SH3RF1: variants seen among roughly 807,000 people sequenced by gnomAD.
The protein encoded by SH3RF1 is E3 ubiquitin-protein ligase SH3RF1.
Under a neutral mutation model 74.0 loss-of-function variants are expected in SH3RF1, and 32 were observed. That is an observed-to-expected ratio of 0.43 (90% CI 0.33 to 0.58). The LOEUF (loss-of-function observed/expected upper bound fraction) is 0.58, where lower values mean the gene tolerates loss of function less well. Among genes scored for constraint, SH3RF1 ranks in the 20% least tolerant of loss-of-function variants. The pLI is 0.05. For synonymous variants in SH3RF1, 396 were observed against 439.6 expected (o/e 0.90, Z 1.24); for missense variants, 954 against 1,130.9 (o/e 0.84, Z 2.24).
At chr4:169,203,700 T>C (rs1420209823) in intron 2 of SH3RF1, among the ~76,000 whole-genome samples, 1 of 152,230 alleles carries the variant, frequency 6.6e-6, no homozygotes, top group East Asian at 1.9e-4. Flanking sequence ...GATACACTTA[T>C]ACCTAGAACA....
At chr4:169,153,765 G>C (rs1174416847) in intron 4 of SH3RF1, among the ~76,000 whole-genome samples, 1 of 152,190 alleles carries the variant, frequency 6.6e-6, no homozygotes, top group African/African-American at 2.4e-5. Context: ...CAAATGGCAA[G>C]ATTCTGGTTC....
chr4:169,179,697 C>T (rs749637921), intron 2 of SH3RF1, among the ~76,000 whole-genome samples: 18 of 152,182 alleles, frequency 1.2e-4, no homozygotes, highest in African/African-American at 1.4e-4. Context: ...GACAACACTG[C>T]GCAAACTTTG....
chr4:169,167,055 G>A (rs1734256657), intron 2 of SH3RF1: 1 of 207,824 alleles, frequency 4.8e-6, no homozygotes, highest in Admixed American at 5.6e-5. Flanking sequence ...TCAGCTCCAG[G>A]GCTACCTATA....
Position 169,110,537 on chromosome 4 carries a change from G to A in SH3RF1, c.2140-3332C>T, listed in dbSNP as rs181188718. On this transcript the variant is annotated intron_variant, in intron 10 of 11. Coordinates refer to ENST00000284637, the MANE Select transcript of SH3RF1 (RefSeq NM_020870.4). ...CCCAGGTGCTTGGGAGGCTGAGGTG[G>A]AAGGATTGCTTGAGTCCAGGAGTTC... Among the ~76,000 whole-genome samples, 244 of 152,288 alleles carry A rather than the reference G, an allele frequency of 1.6e-3. 2 individuals are homozygous for A. Among genetic ancestry groups the A allele is most frequent in the Admixed American group, 4.2e-3 (65 of 15,304 alleles).
At chr4:169,268,775 A>G in intron 2 of SH3RF1, 45 bp downstream of exon 2, 1 of 1,512,778 alleles carries the variant, frequency 6.6e-7, no homozygotes, top group Non-Finnish European at 8.8e-7. Flanking sequence ...AAAAATGTGG[A>G]CATTACCACC....
At chr4:169,174,493 C>A (rs1318251145) in intron 2 of SH3RF1, among the ~76,000 whole-genome samples, 1 of 152,128 alleles carries the variant, frequency 6.6e-6, no homozygotes, top group African/African-American at 2.4e-5. Flanking sequence ...TCAGGTGATA[C>A]TGATGCTGCC....
At chr4:169,217,297 A>G in intron 2 of SH3RF1, 1 of 152,474 alleles carries the variant, frequency 6.6e-6, no homozygotes, top group Non-Finnish European at 1.5e-5. Context: ...CCAGAGGTAA[A>G]GGCAATTGTG....
chr4:169,221,553 G>A (rs1730564493), intron 2 of SH3RF1, among the ~76,000 whole-genome samples: 1 of 152,008 alleles, frequency 6.6e-6, no homozygotes, highest in South Asian at 2.1e-4. Context: ...CATTAACATT[G>A]GAAAAGAAAG....
At chr4:169,188,011 T>C (rs987045497) in intron 2 of SH3RF1, among the ~76,000 whole-genome samples, 25 of 152,212 alleles carry the variant, frequency 1.6e-4, no homozygotes, top group Non-Finnish European at 2.9e-4. Flanking sequence ...GACGAAATGA[T>C]GCAGGCACAA....
At chr4:169,233,672 C>T (rs1204862274) in intron 2 of SH3RF1, among the ~76,000 whole-genome samples, 1 of 152,194 alleles carries the variant, frequency 6.6e-6, no homozygotes, top group Non-Finnish European at 1.5e-5. Context: ...TATTTGACTG[C>T]AATAATTCAT....
intron 2 of SH3RF1, among the ~76,000 whole-genome samples, chr4:169,233,248 C>CTA (rs1730772113): frequency 1.5e-5 from 1 of 65,596 alleles, no homozygotes; most frequent in Non-Finnish European, 2.7e-5. Context: ...GACTCCATCT[C>CTA]AAAAAAAAAA....
chr4:169,116,679 T>A (rs368605207), intron 9 of SH3RF1, 49 bp from the exon 10 acceptor site: 5 of 1,499,108 alleles, frequency 3.3e-6, no homozygotes, highest in Non-Finnish European at 4.4e-6. Context: ...ATCTAATAGA[T>A]GCTGCTCACC....
chr4:169,221,993 C>T (rs1322803444), intron 2 of SH3RF1, among the ~76,000 whole-genome samples: 1 of 152,168 alleles, frequency 6.6e-6, no homozygotes, highest in Non-Finnish European at 1.5e-5. Flanking sequence ...AAAAACACTA[C>T]TAATAGTTTT....
intron 2 of SH3RF1, among the ~76,000 whole-genome samples, chr4:169,175,352 C>T (rs1018050032): frequency 6.6e-6 from 1 of 152,164 alleles, no homozygotes; most frequent in African/African-American, 2.4e-5. Context: ...GCTCCCAAGG[C>T]TTTCTATCAT....
At chr4:169,250,828 G>A (rs1446022440) in intron 2 of SH3RF1, among the ~76,000 whole-genome samples, 2 of 152,086 alleles carry the variant, frequency 1.3e-5, no homozygotes, top group African/African-American at 4.8e-5. Flanking sequence ...TGGATATGGT[G>A]GTCACAGAAG....
chr4:169,261,406 A>C (rs1404865162), intron 2 of SH3RF1, among the ~76,000 whole-genome samples: 1 of 152,240 alleles, frequency 6.6e-6, no homozygotes, highest in Admixed American at 6.5e-5. Flanking sequence ...TGCTAAAAGC[A>C]ACATGAGGTC....
At chr4:169,123,382 C>T (rs978486995) in intron 6 of SH3RF1, among the ~76,000 whole-genome samples, 4 of 152,194 alleles carry the variant, frequency 2.6e-5, no homozygotes, top group South Asian at 2.1e-4. Context: ...TGTAACTATT[C>T]GATGCATTAT....
intron 4 of SH3RF1, among the ~76,000 whole-genome samples, chr4:169,144,915 G>A (rs1733848308): frequency 6.6e-6 from 1 of 152,144 alleles, no homozygotes; most frequent in African/African-American, 2.4e-5. Context: ...GAAGAAAATA[G>A]TAGGGGTAAG....
chr4:169,110,633 C>G (rs558314976), intron 10 of SH3RF1, among the ~76,000 whole-genome samples: 2 of 152,040 alleles, frequency 1.3e-5, no homozygotes, highest in African/African-American at 4.8e-5. Context: ...AATAAAAGAA[C>G]AATAGGAAAG....
Sources: gnomAD v4.1 joint callset for allele counts (sites outside exome capture counted in the v4.1 genomes callset) on GRCh38, gnomAD v4.1.1 for gene constraint, MANE v1.5 for transcripts, NCBI Gene and HGNC (gene_info 2026-07-23, HGNC 2026-07-21) for gene names.